Variants in RIMS2 observed in about 807,000 individuals in gnomAD.
RIMS2 encodes regulating synaptic membrane exocytosis protein 2.
Under a neutral mutation model 174.4 loss-of-function variants are expected in RIMS2, and 59 were observed. The observed-to-expected ratio is 0.34, with a 90% confidence interval of 0.27 to 0.42. The LOEUF (loss-of-function observed/expected upper bound fraction) is 0.42, where lower values mean the gene tolerates loss of function less well. Ranked by LOEUF, RIMS2 falls within the 10% of genes least tolerant of loss-of-function variation. RIMS2 has a pLI of 1.00. For synonymous variants in RIMS2, 606 were observed against 572.5 expected, an observed-to-expected ratio of 1.06 and a Z score of -0.84; for missense variants, 1,620 against 1,666.3, an observed-to-expected ratio of 0.97 and a Z score of 0.48.
At chr8:104,197,274 C>T (rs1035525591) in intron 19 of RIMS2, among the ~76,000 whole-genome samples, 5 of 149,386 alleles carry the variant, frequency 3.3e-5, no homozygotes, top group Non-Finnish European at 7.4e-5. Flanking sequence ...TTCCTGGGTT[C>T]TTGCAATTCC....
chr8:103,839,445 CTTTT>C lies in RIMS2; in HGVS notation c.699-45846_699-45843del, dbSNP rs569540505. Among the ~76,000 whole-genome samples, 8 of 149,884 alleles carry C rather than the reference CTTTT, an allele frequency of 5.3e-5. No homozygotes were observed. In the South Asian group the frequency reaches 1.1e-3, roughly 20 times the overall value. On this transcript the variant is annotated intron_variant, in intron 3 of 23. Coordinates refer to ENST00000504942, the Ensembl canonical transcript of RIMS2. ...TTTTAGGCTTTATTTGGAGAGTACT[CTTTT>C]TTTTTTCTTTGTCATAGGGCACAGC...
intron 1 of RIMS2, among the ~76,000 whole-genome samples, chr8:103,637,191 C>T (rs1234109386): frequency 6.6e-6 from 1 of 152,202 alleles, no homozygotes; most frequent in Non-Finnish European, 1.5e-5. Flanking sequence ...ACTCTTCTTT[C>T]ACTCCACCAT....
intron 3 of RIMS2, chr8:103,880,770 G>T: frequency 2.4e-6 from 1 of 410,798 alleles, no homozygotes; most frequent in South Asian, 7.0e-5. Flanking sequence ...AATAGAAATT[G>T]ATTTATTCAA....
intron 1 of RIMS2, among the ~76,000 whole-genome samples, chr8:103,538,595 C>T (rs567233357): frequency 1.3e-5 from 2 of 152,132 alleles, no homozygotes; most frequent in East Asian, 1.9e-4. Context: ...CAGCTCAGTG[C>T]AAGCTCCGCC....
At chr8:103,953,102 G>C (rs1336395692) in intron 14 of RIMS2, among the ~76,000 whole-genome samples, 1 of 152,226 alleles carries the variant, frequency 6.6e-6, no homozygotes, top group Non-Finnish European at 1.5e-5. Flanking sequence ...ATGGGATGAT[G>C]TTAAAAGACC....
chr8:104,118,658 C>T (rs958015034), intron 19 of RIMS2, among the ~76,000 whole-genome samples: 1 of 152,036 alleles, frequency 6.6e-6, no homozygotes, highest in African/African-American at 2.4e-5. Context: ...CATGAGCCAC[C>T]GGGCCCGACC....
intron 1 of RIMS2, among the ~76,000 whole-genome samples, chr8:103,589,999 A>C (rs573857752): frequency 1.3e-5 from 2 of 151,528 alleles, no homozygotes; most frequent in Admixed American, 1.3e-4. Context: ...AGAAATAATG[A>C]ATAAGATCTA....
intron 3 of RIMS2, among the ~76,000 whole-genome samples, chr8:103,775,340 AG>A (rs2098301717): frequency 6.6e-6 from 1 of 152,162 alleles, no homozygotes; most frequent in Non-Finnish European, 1.5e-5. Flanking sequence ...GTTAAGAAAG[AG>A]GTTAAACTAT....
chr8:104,138,546 G>A (rs1481310978), intron 19 of RIMS2, among the ~76,000 whole-genome samples: 1 of 152,042 alleles, frequency 6.6e-6, no homozygotes, highest in Non-Finnish European at 1.5e-5. Context: ...GCCTTCTCAT[G>A]TACCTGTTTG....
At chr8:103,959,305 A>C (rs1349946255) in intron 14 of RIMS2, among the ~76,000 whole-genome samples, 1 of 152,052 alleles carries the variant, frequency 6.6e-6, no homozygotes, top group South Asian at 2.1e-4. Context: ...ATTATTTTTT[A>C]TTTTTTGTAT....
chr8:104,063,864 G>A (rs1264560755), intron 19 of RIMS2, among the ~76,000 whole-genome samples: 1 of 152,162 alleles, frequency 6.6e-6, no homozygotes, highest in African/African-American at 2.4e-5. Flanking sequence ...CCAGGGGCAT[G>A]CTCATGCTCT....
chr8:103,790,780 C>G (rs1011394352), intron 3 of RIMS2, among the ~76,000 whole-genome samples: 16 of 152,114 alleles, frequency 1.1e-4, no homozygotes, highest in South Asian at 2.1e-4. Flanking sequence ...TTCTTCTTCA[C>G]TAAGATTAAT....
chr8:103,955,209 C>A (rs2086758493), intron 14 of RIMS2, among the ~76,000 whole-genome samples: 2 of 152,244 alleles, frequency 1.3e-5, no homozygotes, highest in South Asian at 4.2e-4. Flanking sequence ...GAAACTACCC[C>A]AAACAGTAGA....
intron 1 of RIMS2, among the ~76,000 whole-genome samples, chr8:103,515,270 T>G (rs1177322398): frequency 6.6e-6 from 1 of 152,218 alleles, no homozygotes; most frequent in African/African-American, 2.4e-5. Flanking sequence ...ACCTCACTAT[T>G]CTGGAGCTAA....
chr8:103,885,084 T>C (rs765099238), intron 3 of RIMS2, among the ~76,000 whole-genome samples: 20 of 152,044 alleles, frequency 1.3e-4, no homozygotes, highest in Admixed American at 4.6e-4. Flanking sequence ...ATTCCAGATA[T>C]AGTGTTGCAG....
intron 2 of RIMS2, among the ~76,000 whole-genome samples, chr8:103,739,664 C>T (rs1482415793): frequency 1.3e-5 from 2 of 152,166 alleles, no homozygotes; most frequent in Non-Finnish European, 2.9e-5. Flanking sequence ...AGCTTTCTAA[C>T]TTTTGATCCA....
Position 104,057,063 on chromosome 8 carries a change from C to CTT in RIMS2, c.3334+42463_3334+42464dup, listed in dbSNP as rs749665730. 9.0e-4 allele frequency among the ~76,000 whole-genome samples: 122 copies of CTT among 135,416 alleles called. 1 individual carries two copies. Among genetic ancestry groups the CTT allele is most frequent in the African/African-American group, 3.1e-3 (116 of 37,144 alleles). The allele number at this position is 135,416 out of a possible 152,430, so 88.8% of individuals were successfully genotyped here. On this transcript the variant is annotated intron_variant, in intron 19 of 23. Coordinates refer to ENST00000504942, the Ensembl canonical transcript of RIMS2. ...TACATCCTTTTTTCTTTTTCTTTTT[C>CTT]TTTTTTTTTTTTTTTTCTTTTGAGA...
At chr8:103,919,425 A>G (rs1052844834) in intron 9 of RIMS2, among the ~76,000 whole-genome samples, 4 of 152,020 alleles carry the variant, frequency 2.6e-5, no homozygotes, top group Non-Finnish European at 4.4e-5. Flanking sequence ...AACCCACTGT[A>G]AGGACTTTGA....
intron 1 of RIMS2, among the ~76,000 whole-genome samples, chr8:103,528,849 G>T (rs1835438245): frequency 6.6e-6 from 1 of 152,016 alleles, no homozygotes; most frequent in Non-Finnish European, 1.5e-5. Flanking sequence ...TTGTTCTTTT[G>T]GCTTAGGATT....
Sources: allele counts gnomAD v4.1 joint callset (sites outside exome capture counted in the v4.1 genomes callset), GRCh38; gene constraint gnomAD v4.1.1; transcripts MANE v1.5; gene names NCBI Gene and HGNC (gene_info 2026-07-23, HGNC 2026-07-21).